Variants in MITF observed in about 807,000 individuals in gnomAD.
The protein encoded by MITF is melanocyte inducing transcription factor, also known as microphthalmia-associated transcription factor.
A neutral mutation model predicts 60.5 loss-of-function variants in MITF; 17 were observed. The observed-to-expected ratio is 0.28, with a 90% CI of 0.19 to 0.42. MITF has a LOEUF of 0.42. MITF is among the 10% of genes least tolerant of loss of function. MITF has a pLI of 1.00. For missense variants in MITF, 622 were observed against 683.5 expected, an observed-to-expected ratio of 0.91 and a Z score of 1.00; for synonymous variants, 260 against 248.5, an observed-to-expected ratio of 1.05 and a Z score of -0.43.
At position 69,941,127 on chromosome 3, in the gene MITF, A is replaced by G. The variant is rs28583802; in HGVS notation, c.667-109A>G. On this transcript the variant is annotated intron_variant, in intron 4 of 9. Transcript: ENST00000352241. ...GAGGACAGTTACTTCTTAGAATCTA[A>G]CTAAAGACCATTATTGCTTTGGGTA... The G allele has an allele frequency of 5.9e-3, 4,125 of 698,460 alleles. 132 individuals carry two copies. In the African/African-American group the frequency reaches 0.063, roughly 11 times the overall value. The allele number at this position is 698,460 out of a possible 1,614,324, so 43.3% of individuals were successfully genotyped here.
intron 1 of MITF, among the ~76,000 whole-genome samples, chr3:69,788,960 C>A (rs6762369): frequency 3.3e-5 from 5 of 151,820 alleles, no homozygotes; most frequent in Non-Finnish European, 7.4e-5. Flanking sequence ...GGATTCAAGA[C>A]CTAAATGTAA....
chr3:69,873,793 G>C (rs1359689206), intron 1 of MITF, among the ~76,000 whole-genome samples: 1 of 152,158 alleles, frequency 6.6e-6, no homozygotes, highest in Non-Finnish European at 1.5e-5. Context: ...AAGTGATCCT[G>C]GGTATTTTAC....
chr3:69,767,668 G>A (rs983866369), intron 1 of MITF, among the ~76,000 whole-genome samples: 7 of 152,200 alleles, frequency 4.6e-5, no homozygotes, highest in Non-Finnish European at 1.0e-4. Context: ...CAGGTAGACC[G>A]AGGCATGGAG....
At chr3:69,946,385 A>T (rs932966130) in intron 5 of MITF, among the ~76,000 whole-genome samples, 1 of 152,060 alleles carries the variant, frequency 6.6e-6, no homozygotes, top group Non-Finnish European at 1.5e-5. Flanking sequence ...CTAATTGGAG[A>T]TGAATTGAAA....
intron 2 of MITF, among the ~76,000 whole-genome samples, chr3:69,916,450 T>C (rs538660518): frequency 6.6e-6 from 1 of 152,226 alleles, no homozygotes; most frequent in Non-Finnish European, 1.5e-5. Flanking sequence ...ACTTGATTTA[T>C]ACCTTTCCTT....
chr3:69,776,452 G>A (rs2062474144), intron 1 of MITF, among the ~76,000 whole-genome samples: 1 of 152,174 alleles, frequency 6.6e-6, no homozygotes, highest in African/African-American at 2.4e-5. Context: ...CTTGACATTT[G>A]CGTGTTTGAG....
intron 6 of MITF, among the ~76,000 whole-genome samples, chr3:69,950,103 GA>G (rs1369566675): frequency 2.0e-5 from 3 of 151,908 alleles, no homozygotes; most frequent in African/African-American, 7.3e-5. Context: ...TACCAAAAAG[GA>G]AAATTACTGC....
At chr3:69,960,731 T>C (rs2066520300) in intron 9 of MITF, among the ~76,000 whole-genome samples, 1 of 152,244 alleles carries the variant, frequency 6.6e-6, no homozygotes, top group Admixed American at 6.5e-5. Context: ...ATGAGAAGTA[T>C]GACACCCTAG....
At chr3:69,823,325 A>G (rs1249084145) in intron 1 of MITF, among the ~76,000 whole-genome samples, 1 of 152,180 alleles carries the variant, frequency 6.6e-6, no homozygotes, top group African/African-American at 2.4e-5. Context: ...TAGCTTACAC[A>G]ACATATTTAT....
intron 1 of MITF, among the ~76,000 whole-genome samples, chr3:69,822,429 T>G (rs181665874): frequency 9.2e-5 from 14 of 152,288 alleles, no homozygotes; most frequent in African/African-American, 3.4e-4. Flanking sequence ...ATTCACCCAT[T>G]GAATATTTCT....
chr3:69,960,176 A>G (rs1315932223), intron 9 of MITF, among the ~76,000 whole-genome samples: 1 of 152,194 alleles, frequency 6.6e-6, no homozygotes, highest in African/African-American at 2.4e-5. Context: ...TAGTATTTGT[A>G]GGGTCCGGGA....
chr3:69,830,254 A>G (rs6794889), intron 1 of MITF, among the ~76,000 whole-genome samples: 43,989 of 152,016 alleles, frequency 0.29, 8,500 homozygotes, highest in Non-Finnish European at 0.42. Context: ...CCTGTTACTC[A>G]ATCTGGCTTT....
intron 1 of MITF, among the ~76,000 whole-genome samples, chr3:69,852,532 ATTACATCACCAT>A (rs1286797961): frequency 6.6e-6 from 1 of 152,220 alleles, no homozygotes. Context: ...CCATTGTATG[ATTACATCACCAT>A]TTATCCATTC....
At chr3:69,845,409 G>A (rs958246756) in intron 1 of MITF, among the ~76,000 whole-genome samples, 9 of 133,318 alleles carry the variant, frequency 6.8e-5, no homozygotes, top group Non-Finnish European at 1.4e-4. Flanking sequence ...GCAATTCTTT[G>A]TTTTCTTTTC....
intron 1 of MITF, among the ~76,000 whole-genome samples, chr3:69,743,375 T>G (rs1703604322): frequency 1.3e-5 from 2 of 152,232 alleles, no homozygotes; most frequent in Admixed American, 1.3e-4. Flanking sequence ...TTTTTGTTTT[T>G]GCAATGAATA....
At position 69,887,174 on chromosome 3, in the gene MITF, T is replaced by C. The variant is rs1559698224; in HGVS notation, c.354+7791T>C. ...TGGTAATAAATCTTCTATTACTATA[T>C]TGAAAAAGTCATGAGTCTCCTTCAC... On this transcript the variant is annotated intron_variant, in intron 2 of 9. Transcript: ENST00000352241. Among the ~76,000 whole-genome samples, 4 of 152,062 alleles carry C rather than the reference T, an allele frequency of 2.6e-5. No individual in the cohort carries two copies. The South Asian group carries it at 8.3e-4, about 32-fold the overall frequency.
chr3:69,916,232 T>A (rs1476147649), intron 2 of MITF, among the ~76,000 whole-genome samples: 1 of 152,208 alleles, frequency 6.6e-6, no homozygotes, highest in Non-Finnish European at 1.5e-5. Flanking sequence ...TATATCATTT[T>A]AAATAATCAC....
intron 1 of MITF, among the ~76,000 whole-genome samples, chr3:69,821,817 T>G (rs2063279673): frequency 6.6e-6 from 1 of 152,152 alleles, no homozygotes; most frequent in Admixed American, 6.5e-5. Context: ...AGCGACGTGA[T>G]CTCGGCTCAC....
chr3:69,923,401 T>C (rs974556737), intron 2 of MITF, among the ~76,000 whole-genome samples: 3 of 152,192 alleles, frequency 2.0e-5, no homozygotes, highest in African/African-American at 4.8e-5. Flanking sequence ...CTGGAATGCA[T>C]TGATGCGATC....
Sources: gnomAD v4.1 joint callset for allele counts (sites outside exome capture counted in the v4.1 genomes callset) on GRCh38, gnomAD v4.1.1 for gene constraint, MANE v1.5 for transcripts, NCBI Gene and HGNC (gene_info 2026-07-23, HGNC 2026-07-21) for gene names.